The following CREBZF variants were observed in gnomAD, a reference collection of about 807,000 sequenced individuals.
CREBZF encodes the protein HCF-binding transcription factor Zhangfei.
A neutral mutation model predicts 21.1 loss-of-function variants in CREBZF; 8 were observed. That is an observed-to-expected ratio of 0.38 (90% confidence interval 0.22 to 0.68). The LOEUF is 0.68. Ranked by LOEUF, CREBZF falls within the 30% of genes least tolerant of loss-of-function variation. CREBZF has a pLI of 0.51. For synonymous variants in CREBZF, 270 were observed against 223.3 expected (o/e 1.21, Z -1.86); for missense variants, 518 against 484.3 (o/e 1.07, Z -0.65).
At position 85,661,885 on chromosome 11, in the gene CREBZF, AAAG is replaced by A. The variant is rs1329762741; in HGVS notation, c.*1923_*1925del. ...TTCAATTCAAGGCTTCTGTTTCAAA[AAAG>A]CTACATTTAACATATTTCATAAAGA... On this transcript the variant is annotated 3_prime_UTR_variant, in exon 1 of 1. Transcript: ENST00000527447. 1 of 151,946 alleles carries A rather than the reference AAAG, an allele frequency of 6.6e-6. No homozygotes were observed. Among genetic ancestry groups the A allele is most frequent in the Non-Finnish European group, 1.5e-5 (1 of 67,856 alleles). The allele number at this position is 151,946 out of a possible 1,614,324, so 9.4% of individuals were successfully genotyped here.
rs1423878748 is a variant in CREBZF at position 85,659,464 on chromosome 11, C to CTT, written c.*4346_*4347insAA. On this transcript the variant is annotated 3_prime_UTR_variant, in exon 1 of 1. Coordinates refer to ENST00000527447, the MANE Select transcript of CREBZF (RefSeq NM_001039618.4). Reference sequence around the variant, plus strand: ...TAAGTTTTAAGCCAGTGGGAATACTCTGCTGCCTGGCTTCACAGGCACTGA... The same window carrying CTT: ...TAAGTTTTAAGCCAGTGGGAATACTCTTTGCTGCCTGGCTTCACAGGCACTGA... 3.9e-5 allele frequency among the ~76,000 whole-genome samples: 6 copies of CTT among 152,086 alleles called. No homozygotes were observed. Among genetic ancestry groups the CTT allele is most frequent in the African/African-American group, 1.4e-4 (6 of 41,440 alleles).
chr11:85,665,297 C>A (rs1239047392), upstream of CREBZF, among the ~76,000 whole-genome samples: 1 of 152,142 alleles, frequency 6.6e-6, no homozygotes, highest in Non-Finnish European at 1.5e-5. Flanking sequence ...TAATTCAATA[C>A]CACCCAATAC....
upstream of CREBZF, among the ~76,000 whole-genome samples, chr11:85,665,426 C>T (rs930674994): frequency 6.7e-6 from 1 of 150,128 alleles, no homozygotes; most frequent in Non-Finnish European, 1.5e-5. Context: ...CACACCCCTG[C>T]GTACTTCAGT....
chr11:85,668,942 C>T (rs2082890511), upstream of CREBZF, among the ~76,000 whole-genome samples: 2 of 123,990 alleles, frequency 1.6e-5, no homozygotes, highest in African/African-American at 3.0e-5. Context: ...GCGGAGCTTG[C>T]AGTGAGCCGA....
Position 85,660,668 on chromosome 11 carries a change from C to T in CREBZF, c.*3143G>A. 6.7e-6 allele frequency: 3 copies of T among 447,876 alleles called. No homozygotes were observed. Among genetic ancestry groups the T allele is most frequent in the African/African-American group, 2.0e-5 (1 of 49,604 alleles). The allele number at this position is 447,876 out of a possible 1,614,324, so 27.7% of individuals were successfully genotyped here. On this transcript the variant is annotated 3_prime_UTR_variant, in exon 1 of 1. Coordinates refer to ENST00000527447, the MANE Select transcript of CREBZF (RefSeq NM_001039618.4). The stretch of plus-strand genomic sequence containing the variant: ...GCACAAATATTTAAAATATTTTGAA[C>T]ACTTCTTGTTGGATTATATCAGAGG...
chr11:85,663,225 T>C lies in CREBZF; in HGVS notation c.*586A>G. 2 of 415,484 alleles carry C rather than the reference T, an allele frequency of 4.8e-6. No individual in the cohort carries two copies. Among genetic ancestry groups the C allele is most frequent in the East Asian group, 8.6e-5 (2 of 23,344 alleles). The allele number at this position is 415,484 out of a possible 1,614,324, so 25.7% of individuals were successfully genotyped here. On this transcript the variant is annotated 3_prime_UTR_variant, in exon 1 of 1. Coordinates refer to ENST00000527447, the MANE Select transcript of CREBZF (RefSeq NM_001039618.4). ...GTCTCTCTATAAGCAGGTTTCAGTG[T>C]ACAGTTGGAACCGATGTCATCCAAG...
chr11:85,668,680 T>G (rs998653266), upstream of CREBZF, among the ~76,000 whole-genome samples: 1 of 152,120 alleles, frequency 6.6e-6, no homozygotes, highest in African/African-American at 2.4e-5. Flanking sequence ...TATCTAGCTA[T>G]TGATTTGAGA....
rs1289377418 is a variant in CREBZF at position 85,662,758 on chromosome 11, A to C, written c.*1053T>G. On this transcript the variant is annotated 3_prime_UTR_variant, in exon 1 of 1. Coordinates refer to ENST00000527447, the MANE Select transcript of CREBZF (RefSeq NM_001039618.4). ...TTACACGTTTTCATTCACATTTCAC[A>C]ACCTTCAATATCTAATCATACATAT... The C allele has an allele frequency of 1.9e-5, 5 of 260,332 alleles. No individual in the cohort carries two copies. Among genetic ancestry groups the C allele is most frequent in the Non-Finnish European group, 3.6e-5 (5 of 138,602 alleles). 16.1% of individuals were successfully genotyped at this position (260,332 alleles called of 1,614,324 possible).
chr11:85,664,709 T>C lies in CREBZF; in HGVS notation c.167A>G (p.Gln56Arg), dbSNP rs371102121. The C allele has an allele frequency of 3.1e-6, 5 of 1,601,820 alleles. No homozygotes were observed. Among genetic ancestry groups the C allele is most frequent in the South Asian group, 2.2e-5 (2 of 90,386 alleles). The change falls in exon 1 of 1, where the codon CAG (glutamine) becomes CGG (arginine). Residue 56 changes from glutamine to arginine, a missense_variant. Physicochemically the swap from Gln to Arg is conservative, Grantham distance 43 (BLOSUM62 1). Coordinates refer to ENST00000527447, the MANE Select transcript of CREBZF (RefSeq NM_001039618.4). The surrounding 1 kb of genome is among the most constrained non-coding windows in gnomAD (Gnocchi z 5.5). The part of the protein sequence containing the change: ...AAAGSPGRKQ[Q>R]FGDEGELEAG... ...TTCCAACTCTCCTTCGTCGCCAAACTGCTGCTTGCGGCCGGGAGATCCGGC... is the reference window on the plus strand; with the variant it reads ...TTCCAACTCTCCTTCGTCGCCAAACCGCTGCTTGCGGCCGGGAGATCCGGC...
chr11:85,668,399 G>A (rs1339259602), upstream of CREBZF, among the ~76,000 whole-genome samples: 1 of 152,002 alleles, frequency 6.6e-6, no homozygotes, highest in South Asian at 2.1e-4. Context: ...TTTCTAAATG[G>A]TTATTGTTAC....
chr11:85,672,163 C>G (rs1013987508), intron 1 of CREBZF, among the ~76,000 whole-genome samples: 1 of 152,274 alleles, frequency 6.6e-6, no homozygotes, highest in Non-Finnish European at 1.5e-5. Flanking sequence ...CCCTCTGAAG[C>G]CATAGCCTGA....
intron 1 of CREBZF, among the ~76,000 whole-genome samples, chr11:85,673,192 A>G (rs910246061): frequency 6.6e-6 from 1 of 152,238 alleles, no homozygotes; most frequent in Non-Finnish European, 1.5e-5. Context: ...CCATGACTTC[A>G]TGGTACTCAA....
Position 85,664,209 on chromosome 11 carries a change from G to A in CREBZF, c.667C>T (p.Leu223=), listed in dbSNP as rs1403407497. 1.2e-6 allele frequency: 2 copies of A among 1,612,988 alleles called. No individual in the cohort carries two copies. Among genetic ancestry groups the A allele is most frequent in the African/African-American group, 1.3e-5 (1 of 74,874 alleles). The change falls in exon 1 of 1, where the codon CTG becomes TTG. Residue 223 remains leucine (L), a synonymous_variant. Transcript: ENST00000527447. This position sits in a 1 kb window ranked among gnomAD's most constrained non-coding sequence, Gnocchi z 5.5. Reference sequence around the variant, plus strand: ...CCCATCACGTACTCCTTCTTCTTCAGTCGATTAAGGCGGGCAGCGGCCGCC... The same window carrying A: ...CCCATCACGTACTCCTTCTTCTTCAATCGATTAAGGCGGGCAGCGGCCGCC... The part of the protein sequence containing the change: ...AAAAAARLNR[L]KKKEYVMGLE...
At chr11:85,667,324 C>T (rs1175723478), upstream of CREBZF, among the ~76,000 whole-genome samples, 3 of 152,174 alleles carry the variant, frequency 2.0e-5, no homozygotes, top group Non-Finnish European at 4.4e-5. Flanking sequence ...CTGCCCGACT[C>T]AGCCTCCCAA....
chr11:85,664,667 C>T lies in CREBZF; in HGVS notation c.209G>A (p.Arg70His), dbSNP rs1229066533. 1 of 1,603,514 alleles carries T rather than the reference C, an allele frequency of 6.2e-7. No individual in the cohort carries two copies. The highest frequency in any genetic ancestry group is 8.5e-7 in the Non-Finnish European group (1 of 1,174,854). Residue 70 changes from arginine (R) to histidine (H), a missense_variant, in exon 1 of 1, where the codon CGC becomes CAC. Arg to His is a conservative substitution (Grantham distance 29, BLOSUM62 0). Around this residue, in one of 3 missense-constraint regions of CREBZF, gnomAD observed 396 missense variants for 324.4 expected, o/e 1.22. Transcript: ENST00000527447. The surrounding 1 kb of genome is among the most constrained non-coding windows in gnomAD (Gnocchi z 5.5). ...GGGCGCGCGCACGGCCACGCCGCCG[C>T]GGCTCCCCCTCCCGGCTTCCAACTC... ...EGELEAGRGS[R>H]GGVAVRAPSP... is the part of the protein sequence containing the mutation.
chr11:85,667,245 G>T (rs901710677), upstream of CREBZF, among the ~76,000 whole-genome samples: 31 of 108,146 alleles, frequency 2.9e-4, no homozygotes, highest in African/African-American at 1.0e-3. Flanking sequence ...CTAATTTTTT[G>T]TACTTTTAGT....
chr11:85,672,252 G>C (rs972088676), intron 1 of CREBZF, among the ~76,000 whole-genome samples: 1 of 152,234 alleles, frequency 6.6e-6, no homozygotes, highest in Admixed American at 6.5e-5. Context: ...CACACAGCAC[G>C]GGGCCCTGGG....
At chr11:85,680,506 G>A (rs2082969926) in intron 1 of CREBZF, among the ~76,000 whole-genome samples, 2 of 152,226 alleles carry the variant, frequency 1.3e-5, no homozygotes, top group Non-Finnish European at 2.9e-5. Flanking sequence ...GGACTGGGGA[G>A]TAAGGGTGTT....
rs1186018606 is a variant in CREBZF at position 85,662,449 on chromosome 11, C to T, written c.*1362G>A. 2.8e-6 allele frequency: 2 copies of T among 717,056 alleles called. No individual in the cohort carries two copies. The highest frequency in any genetic ancestry group is 5.4e-5 in the East Asian group (2 of 37,266). The allele number at this position is 717,056 out of a possible 1,614,324, so 44.4% of individuals were successfully genotyped here. ...GGTCCCGTCTCTTCTGCCCCAACAG[C>T]TGTATCCACTTTAGCACAAAGAAAA... On this transcript the variant is annotated 3_prime_UTR_variant, in exon 1 of 1. Coordinates refer to ENST00000527447, the MANE Select transcript of CREBZF (RefSeq NM_001039618.4).
Sources: allele counts gnomAD v4.1 joint callset (sites outside exome capture counted in the v4.1 genomes callset), GRCh38; gene constraint gnomAD v4.1.1; regional missense constraint gnomAD v4.1.1; non-coding constraint Gnocchi (gnomAD v3.1); transcripts MANE v1.5; gene names NCBI Gene and HGNC (gene_info 2026-07-23, HGNC 2026-07-21).